Variants in SUGCT observed in about 807,000 individuals in gnomAD.
The protein encoded by SUGCT is succinyl-CoA:glutarate-CoA transferase.
A neutral mutation model predicts 55.0 loss-of-function variants in SUGCT; 41 were observed. That is an observed-to-expected ratio of 0.74 (90% CI 0.58 to 0.97). The LOEUF is 0.97. Ranked by LOEUF, SUGCT falls within the 50% of genes least tolerant of loss-of-function variation. SUGCT has a pLI of 0.00. For missense variants in SUGCT, 568 were observed against 547.8 expected (o/e 1.04, Z -0.37); for synonymous variants, 187 against 200.4 (o/e 0.93, Z 0.56).
chr7:40,260,449 TG>T (rs759024033), intron 7 of SUGCT, among the ~76,000 whole-genome samples: 2 of 152,214 alleles, frequency 1.3e-5, no homozygotes, highest in African/African-American at 2.4e-5. Context: ...GCTACATGGT[TG>T]CCATAGCTAT....
At chr7:40,843,529 A>G in intron 13 of SUGCT, among the ~76,000 whole-genome samples, 1 of 151,818 alleles carries the variant, frequency 6.6e-6, no homozygotes, top group Admixed American at 6.6e-5. Context: ...AGTTGAAGTG[A>G]GTCAGTGTAG....
chr7:40,930,235 G>A, the SUGCT span, among the ~76,000 whole-genome samples: 1 of 152,100 alleles, frequency 6.6e-6, no homozygotes, highest in Non-Finnish European at 1.5e-5. Flanking sequence ...AGTTGTAGAT[G>A]AGTGGTGTTA....
chr7:40,325,088 TCAGA>T (rs1795962465), intron 9 of SUGCT, among the ~76,000 whole-genome samples: 1 of 152,212 alleles, frequency 6.6e-6, no homozygotes, highest in African/African-American at 2.4e-5. Flanking sequence ...AAGCAGAGAC[TCAGA>T]CAGGCAGTAA....
intron 12 of SUGCT, among the ~76,000 whole-genome samples, chr7:40,725,231 C>T (rs190824133): frequency 5.8e-4 from 88 of 152,308 alleles, no homozygotes; most frequent in Non-Finnish European, 2.6e-4. Flanking sequence ...TGCAGAACTC[C>T]TAAGCCAATT....
At chr7:40,355,707 T>G (rs1797854087) in intron 9 of SUGCT, among the ~76,000 whole-genome samples, 1 of 152,240 alleles carries the variant, frequency 6.6e-6, no homozygotes, top group African/African-American at 2.4e-5. Flanking sequence ...ATTCTTTTTT[T>G]GGGAGGATTA....
intron 13 of SUGCT, among the ~76,000 whole-genome samples, chr7:40,823,939 T>C (rs1563028318): frequency 6.6e-6 from 1 of 152,174 alleles, no homozygotes; most frequent in East Asian, 1.9e-4. Flanking sequence ...GTTTAATGAT[T>C]ACCTAGTAGG....
At chr7:40,545,989 C>T (rs1399790410) in intron 12 of SUGCT, among the ~76,000 whole-genome samples, 1 of 152,184 alleles carries the variant, frequency 6.6e-6, no homozygotes, top group Non-Finnish European at 1.5e-5. Flanking sequence ...AAATCAGAAT[C>T]ATACATCATA....
At chr7:40,782,259 T>C (rs76243194) in intron 13 of SUGCT, among the ~76,000 whole-genome samples, 15,076 of 152,180 alleles carry the variant, frequency 0.099, 786 homozygotes, top group Middle Eastern at 0.17. Context: ...TATTATATTC[T>C]GTTTATCCTT....
chr7:40,218,450 G>T (rs1471281747), intron 6 of SUGCT, among the ~76,000 whole-genome samples: 1 of 152,160 alleles, frequency 6.6e-6, no homozygotes, highest in Non-Finnish European at 1.5e-5. Context: ...TGTCTCTTTG[G>T]GACGTTGTTG....
chr7:40,763,437 A>G (rs1331147714), intron 13 of SUGCT, among the ~76,000 whole-genome samples: 1 of 152,088 alleles, frequency 6.6e-6, no homozygotes, highest in African/African-American at 2.4e-5. Context: ...ATGCCCTTTT[A>G]TTGCGATGCT....
chr7:40,867,413 T>C, the SUGCT span, among the ~76,000 whole-genome samples: 1 of 151,808 alleles, frequency 6.6e-6, no homozygotes, highest in Non-Finnish European at 1.5e-5. Context: ...AATGATAGCT[T>C]ACCAAAAATT....
chr7:40,562,126 C>G (rs1197687334), intron 12 of SUGCT, among the ~76,000 whole-genome samples: 1 of 151,280 alleles, frequency 6.6e-6, no homozygotes, highest in Non-Finnish European at 1.5e-5. Context: ...GGTGAAACCC[C>G]GTCTCTACTA....
At chr7:40,456,536 T>G (rs1020165207) in intron 10 of SUGCT, among the ~76,000 whole-genome samples, 2 of 152,000 alleles carry the variant, frequency 1.3e-5, no homozygotes, top group African/African-American at 4.8e-5. Flanking sequence ...CAGACAGATA[T>G]GGAGTAATAA....
chr7:40,855,052 C>T (rs563352204), intron 13 of SUGCT, among the ~76,000 whole-genome samples: 2 of 151,836 alleles, frequency 1.3e-5, no homozygotes, highest in South Asian at 4.2e-4. Context: ...CTAGTTTCCA[C>T]CCTCCTGTCC....
chr7:40,866,521 C>A, the SUGCT span, among the ~76,000 whole-genome samples: 1 of 150,404 alleles, frequency 6.6e-6, no homozygotes, highest in Admixed American at 6.7e-5. Context: ...TATAGCCGAA[C>A]GTGCTTGCAA....
intron 13 of SUGCT, chr7:40,782,562 C>T (rs995146369): frequency 2.0e-5 from 3 of 152,162 alleles, no homozygotes; most frequent in Non-Finnish European, 2.9e-5. Context: ...CTAGCCACCA[C>T]ATTTAGGTCA....
the SUGCT span, among the ~76,000 whole-genome samples, chr7:41,006,450 T>C: frequency 6.6e-6 from 1 of 152,102 alleles, no homozygotes; most frequent in Non-Finnish European, 1.5e-5. Context: ...CCTTGCCCTT[T>C]TTTTTATAAT....
At chr7:40,928,919 T>C in the SUGCT span, among the ~76,000 whole-genome samples, 2 of 152,224 alleles carry the variant, frequency 1.3e-5, no homozygotes, top group Admixed American at 1.3e-4. Flanking sequence ...TTTTCCTTTT[T>C]CTTTTTCTTT....
chr7:40,274,577 G>A lies in SUGCT; in HGVS notation c.641G>A (p.Gly214Glu), dbSNP rs1267361291. ...CTTGCCACTGGCCTGTATGCATATG[G>A]AGCTATTATGGCTGGATTGATACAA... ...TDLATGLYAY[G>E]AIMAGLIQKY... is the part of the protein sequence containing the mutation. The change falls in exon 8 of 14, where the codon GGA becomes GAA. Residue 214 changes from glycine (G) to glutamate (E), a missense_variant. Physicochemically the swap from Gly to Glu is moderately conservative, Grantham distance 98. Transcript: ENST00000335693. 6.2e-7 allele frequency: 1 copy of A among 1,613,734 alleles called. No individual in the cohort carries two copies. The highest frequency in any genetic ancestry group is 8.5e-7 in the Non-Finnish European group (1 of 1,179,752).
Sources: gnomAD v4.1 joint callset for allele counts (sites outside exome capture counted in the v4.1 genomes callset) on GRCh38, gnomAD v4.1.1 for gene constraint, MANE v1.5 for transcripts, NCBI Gene and HGNC (gene_info 2026-07-23, HGNC 2026-07-21) for gene names.